ZFYVE26: variants seen among roughly 807,000 people sequenced by gnomAD.
The protein encoded by ZFYVE26 is zinc finger FYVE domain-containing protein 26.
In ZFYVE26, 181 loss-of-function variants were observed where a neutral mutation model predicts 276.5. The observed-to-expected ratio is 0.65, with a 90% CI of 0.58 to 0.74. The LOEUF is 0.74. Among genes scored for constraint, ZFYVE26 ranks in the 30% least tolerant of loss-of-function variants. ZFYVE26 has a pLI of 0.00. For missense variants in ZFYVE26, 2,821 were observed against 3,097.9 expected (o/e 0.91, Z 2.12); for synonymous variants, 1,129 against 1,203.1 (o/e 0.94, Z 1.27).
chr14:67,761,452 G>C lies in ZFYVE26; in HGVS notation c.6502C>G (p.His2168Asp). Reference protein sequence around the residue: ...TYYQECLFYLHNYSTNLAIIS... With the variant: ...TYYQECLFYLDNYSTNLAIIS... The stretch of plus-strand genomic sequence containing the variant: ...ATGGCCAGGTTGGTGCTATAGTTGT[G>C]CAGGTAGAAGAGGCATTCCTGGTAG... Residue 2168 changes from histidine (H) to aspartate (D), a missense_variant, in exon 35 of 42, where the codon CAC becomes GAC. His to Asp is a moderately conservative substitution (Grantham distance 81, BLOSUM62 -1). Coordinates refer to ENST00000347230, the MANE Select transcript of ZFYVE26 (RefSeq NM_015346.4). 1 of 1,614,200 alleles carries C rather than the reference G, an allele frequency of 6.2e-7. No homozygotes were observed. The highest frequency in any genetic ancestry group is 8.5e-7 in the Non-Finnish European group (1 of 1,180,028).
intron 32 of ZFYVE26, among the ~76,000 whole-genome samples, chr14:67,763,089 G>C (rs996544809): frequency 3.9e-4 from 60 of 152,242 alleles, no homozygotes; most frequent in African/African-American, 1.4e-3. Context: ...TTTTTTAATA[G>C]AGACAGGGCT....
Position 67,755,166 on chromosome 14 carries a change from A to G in ZFYVE26, c.6871T>C (p.Trp2291Arg). Residue 2291 changes from tryptophan (W) to arginine (R), a missense_variant, in exon 37 of 42, where the codon TGG becomes CGG. By Grantham distance (101) the Trp-to-Arg change is moderately radical. Coordinates refer to ENST00000347230, the MANE Select transcript of ZFYVE26 (RefSeq NM_015346.4). ...AGGTGGTCCTTGGCCTTAAGTAGCC[A>G]TGAGAGCTTCTCTCCCAGTTCTGTA... ...SYTELGEKLS[W>R]LLKAKDHLKI... 1 of 1,614,200 alleles carries G rather than the reference A, an allele frequency of 6.2e-7. No individual in the cohort carries two copies. The highest frequency in any genetic ancestry group is 2.2e-5 in the East Asian group (1 of 44,878).
chr14:67,811,844 T>C (rs901640211), intron 3 of ZFYVE26, among the ~76,000 whole-genome samples: 2 of 147,090 alleles, frequency 1.4e-5, no homozygotes, highest in Non-Finnish European at 3.0e-5. Flanking sequence ...ATATGAAATA[T>C]ATAATATATA....
chr14:67,735,543 C>T (rs990199740), intron 13 of ZFYVE26, among the ~76,000 whole-genome samples: 6 of 152,206 alleles, frequency 3.9e-5, no homozygotes, highest in African/African-American at 1.2e-4. Flanking sequence ...GCTGTTTTTC[C>T]GCTATTGACT....
At chr14:67,813,127 C>T (rs1401305697) in intron 3 of ZFYVE26, among the ~76,000 whole-genome samples, 2 of 151,944 alleles carry the variant, frequency 1.3e-5, no homozygotes, top group South Asian at 2.1e-4. Flanking sequence ...TTCTGGTGAC[C>T]GAGAGGAGCA....
rs954699721 is a variant in ZFYVE26, at chr14:67,756,309, C to T, written c.6589-164G>A. ...GATACCTTTGAGAATCTCATTCTAG[C>T]GACTGCTTCACTTCTCTCCTTCCTT... is the stretch of plus-strand genomic sequence containing the variant. On this transcript the variant is annotated intron_variant, in intron 35 of 41. Transcript: ENST00000347230. The T allele has an allele frequency of 5.9e-5, 46 of 776,128 alleles. 1 individual carries two copies. Among genetic ancestry groups the T allele is most frequent in the South Asian group, 5.6e-4 (38 of 67,518 alleles). 48.1% of individuals were successfully genotyped at this position (776,128 alleles called of 1,614,324 possible). A position where few individuals can be genotyped will look rare whatever the true frequency, so the allele number is the denominator to read the frequency against.
At chr14:67,751,747 C>A (rs2038650754) in intron 40 of ZFYVE26, among the ~76,000 whole-genome samples, 1 of 152,032 alleles carries the variant, frequency 6.6e-6, no homozygotes, top group African/African-American at 2.4e-5. Flanking sequence ...GTGGTGGGCG[C>A]CTGTAGTCCC....
chr14:67,765,819 C>A (rs1046457792), intron 32 of ZFYVE26, among the ~76,000 whole-genome samples: 1 of 152,176 alleles, frequency 6.6e-6, no homozygotes, highest in African/African-American at 2.4e-5. Context: ...TGAATTTGGT[C>A]AGGATTGGAG....
chr14:67,788,123 G>C (rs2039703861), intron 16 of ZFYVE26, among the ~76,000 whole-genome samples: 1 of 152,162 alleles, frequency 6.6e-6, no homozygotes, highest in Non-Finnish European at 1.5e-5. Context: ...GGGTGCGGTG[G>C]CTCACGCCTA....
Position 67,735,347 on chromosome 14 carries a change from C to A in ZFYVE26, n.2680-5528G>T, listed in dbSNP as rs889464414. On this transcript the variant is annotated intron_variant and non_coding_transcript_variant, in intron 13 of 14. Transcript: ENST00000394455. ...CACCAAAAGGACCATCTAGTCTGCTCAGCCTGGGCAAGGAACATGTGCCAG... is the reference window on the plus strand; with the variant it reads ...CACCAAAAGGACCATCTAGTCTGCTAAGCCTGGGCAAGGAACATGTGCCAG... The A allele has an allele frequency of 1.2e-5, 9 of 760,758 alleles. No individual in the cohort carries two copies. In the South Asian group the frequency reaches 1.2e-4, roughly 10 times the overall value. The allele number at this position is 760,758 out of a possible 1,614,324, so 47.1% of individuals were successfully genotyped here.
Position 67,802,251 on chromosome 14 carries a change from C to T in ZFYVE26, c.1467G>A (p.Leu489=). ...DAVDAPVPEH[L]SQCQNLTLYQ... ...AGAGTGTCAGGTTCTGACACTGGCT[C>T]AGGTGCTCAGGGACTGGAGCATCAA... The change falls in exon 10 of 42, where the codon CTG becomes CTA. Residue 489 remains leucine (L), a synonymous_variant. Transcript: ENST00000347230. 3 of 1,614,196 alleles carry T rather than the reference C, an allele frequency of 1.9e-6. No individual in the cohort carries two copies. The highest frequency in any genetic ancestry group is 2.5e-6 in the Non-Finnish European group (3 of 1,180,044).
At chr14:67,759,421 C>T (rs556727541) in intron 35 of ZFYVE26, among the ~76,000 whole-genome samples, 1 of 151,436 alleles carries the variant, frequency 6.6e-6, no homozygotes, top group African/African-American at 2.4e-5. Flanking sequence ...GTCAAGATAT[C>T]GAGACCATCG....
chr14:67,787,067 T>G (rs528451447), intron 16 of ZFYVE26, among the ~76,000 whole-genome samples: 1 of 151,914 alleles, frequency 6.6e-6, no homozygotes, highest in Non-Finnish European at 1.5e-5. Flanking sequence ...TGGGGGAAGA[T>G]GGAGATGGTT....
chr14:67,754,169 A>G lies in ZFYVE26; in HGVS notation c.7030T>C (p.Leu2344=), dbSNP rs1246821091. ...LQLQMEVTRF[L]HRCESAGTSQ... ...GTCCCAGCACTTTCGCACCGATGCA[A>G]GAACCTGGTCACTTCCATCTGCAGC... Residue 2344 remains leucine (L), a synonymous_variant, in exon 38 of 42, where the codon TTG becomes CTG. Transcript: ENST00000347230. 6.2e-7 allele frequency: 1 copy of G among 1,614,282 alleles called. No homozygotes were observed. The highest frequency in any genetic ancestry group is 8.5e-7 in the Non-Finnish European group (1 of 1,180,054).
intron 10 of ZFYVE26, among the ~76,000 whole-genome samples, chr14:67,801,040 G>A (rs1374550835): frequency 3.3e-5 from 5 of 152,004 alleles, no homozygotes; most frequent in Admixed American, 6.6e-5. Context: ...ATCACCTGAC[G>A]TCAGGAGTTC....
Position 67,768,528 on chromosome 14 carries a change from T to A in ZFYVE26, c.5642A>T (p.Glu1881Val), listed in dbSNP as rs753939758. 6.2e-7 allele frequency: 1 copy of A among 1,614,188 alleles called. No homozygotes were observed. Among genetic ancestry groups the A allele is most frequent in the Admixed American group, 1.7e-5 (1 of 60,036 alleles). Residue 1881 changes from glutamate (E) to valine (V), a missense_variant, in exon 30 of 42, where the codon GAA becomes GTA. Transcript: ENST00000347230. ...GGATTTGGCCTTACCTTCTGGTTTTTCTGAAGGCTCCTCTGGTACACTGAA... is the reference window on the plus strand; with the variant it reads ...GGATTTGGCCTTACCTTCTGGTTTTACTGAAGGCTCCTCTGGTACACTGAA... ...CNKDVPEEPSEKPEALDSSKN... is the reference protein window; with the variant it reads ...CNKDVPEEPSVKPEALDSSKN...
chr14:67,776,123 T>A lies in ZFYVE26; in HGVS notation c.4975-17A>T. On this transcript the variant is annotated splice_polypyrimidine_tract_variant and intron_variant, in intron 25 of 41. Coordinates refer to ENST00000347230, the MANE Select transcript of ZFYVE26 (RefSeq NM_015346.4). ...CAGCAGAATCTGTTTGTGGGGTAGA[T>A]CCATAGAGTAAAGAAAATAGTACAC... 6.2e-7 allele frequency: 1 copy of A among 1,613,828 alleles called. No homozygotes were observed. Among genetic ancestry groups the A allele is most frequent in the Non-Finnish European group, 8.5e-7 (1 of 1,179,922 alleles).
chr14:67,750,936 G>A, intron 41 of ZFYVE26, 116 bp downstream of exon 41: 3 of 1,319,656 alleles, frequency 2.3e-6, no homozygotes, highest in Non-Finnish European at 3.3e-6. Context: ...TGATAATACA[G>A]AAGCTGAGAT....
chr14:67,797,589 A>G, intron 12 of ZFYVE26, 83 bp downstream of exon 12: 4 of 1,442,690 alleles, frequency 2.8e-6, no homozygotes, highest in Non-Finnish European at 3.9e-6. Flanking sequence ...GTTGTTTTTG[A>G]CCATGTGCTG....
Sources: gnomAD v4.1 joint callset for allele counts (sites outside exome capture counted in the v4.1 genomes callset) on GRCh38, gnomAD v4.1.1 for gene constraint, MANE v1.5 for transcripts, NCBI Gene and HGNC (gene_info 2026-07-23, HGNC 2026-07-21) for gene names.